The following SGCZ variants were observed in gnomAD, a reference collection of about 807,000 sequenced individuals.
SGCZ encodes the protein sarcoglycan zeta.
A neutral mutation model predicts 41.3 loss-of-function variants in SGCZ; 40 were observed. The ratio of observed to expected loss-of-function variants is 0.97; its 90% CI spans 0.75 to 1.26. SGCZ has a LOEUF of 1.26. Among genes scored for constraint, SGCZ ranks in the 50% most tolerant of loss-of-function variants. SGCZ has a pLI of 0.00. For missense variants in SGCZ, 552 were observed against 369.8 expected (o/e 1.49, Z -4.04); for synonymous variants, 206 against 137.5 (o/e 1.50, Z -3.49).
chr8:14,709,654 T>A (rs892017580), intron 1 of SGCZ, among the ~76,000 whole-genome samples: 1 of 151,938 alleles, frequency 6.6e-6, no homozygotes, highest in Admixed American at 6.6e-5. Flanking sequence ...GCAAATAATT[T>A]CATTAATCGA....
At chr8:14,718,939 C>G (rs977507603) in intron 1 of SGCZ, among the ~76,000 whole-genome samples, 17 of 149,302 alleles carry the variant, frequency 1.1e-4, no homozygotes, top group African/African-American at 4.2e-4. Context: ...TGCCATGCTG[C>G]TGTGCTGCAC....
intron 1 of SGCZ, among the ~76,000 whole-genome samples, chr8:15,118,088 T>A (rs17471544): frequency 0.16 from 24,236 of 152,244 alleles, 2,186 homozygotes; most frequent in Non-Finnish European, 0.21. Context: ...AGCACTTTGA[T>A]ATTTAGTTGC....
chr8:14,222,042 C>T (rs1456440479), intron 4 of SGCZ, among the ~76,000 whole-genome samples: 1 of 152,092 alleles, frequency 6.6e-6, no homozygotes, highest in Non-Finnish European at 1.5e-5. Context: ...GAAGTACCCC[C>T]AACAAACTGA....
chr8:14,512,604 T>G (rs1236836845), intron 2 of SGCZ, among the ~76,000 whole-genome samples: 1 of 144,848 alleles, frequency 6.9e-6, no homozygotes, highest in Admixed American at 7.2e-5. Flanking sequence ...GGGCTACAGG[T>G]ACAAGGCATT....
At chr8:14,842,568 G>C (rs1802961751) in intron 1 of SGCZ, among the ~76,000 whole-genome samples, 1 of 152,074 alleles carries the variant, frequency 6.6e-6, no homozygotes, top group Non-Finnish European at 1.5e-5. Flanking sequence ...GGGACACACA[G>C]AACATAGGGC....
chr8:14,191,586 C>T (rs1010755616), intron 4 of SGCZ, among the ~76,000 whole-genome samples: 2 of 152,144 alleles, frequency 1.3e-5, no homozygotes, highest in Admixed American at 6.5e-5. Flanking sequence ...CAACTTACAT[C>T]TCACTGTGTA....
At chr8:14,160,288 T>G (rs886838660) in intron 5 of SGCZ, among the ~76,000 whole-genome samples, 3 of 152,202 alleles carry the variant, frequency 2.0e-5, no homozygotes, top group African/African-American at 7.2e-5. Context: ...GTGAAATTTG[T>G]TTTCTAAAGT....
chr8:14,101,975 CATGGGTTCGTGA>C (rs954932346), intron 7 of SGCZ, among the ~76,000 whole-genome samples: 2 of 151,678 alleles, frequency 1.3e-5, no homozygotes, highest in African/African-American at 4.8e-5. Flanking sequence ...CTCCGCCTCC[CATGGGTTCGTGA>C]ATGGGAGTGA....
intron 1 of SGCZ, among the ~76,000 whole-genome samples, chr8:14,658,016 C>G (rs1214539410): frequency 3.9e-5 from 6 of 152,088 alleles, no homozygotes; most frequent in African/African-American, 1.2e-4. Context: ...AAAAAGGAAA[C>G]TACTGAGGAT....
chr8:14,574,070 G>A (rs978555082), intron 1 of SGCZ, among the ~76,000 whole-genome samples: 3 of 152,134 alleles, frequency 2.0e-5, no homozygotes, highest in Non-Finnish European at 4.4e-5. Context: ...ATCTCCACAT[G>A]AGTAATAGAT....
Position 14,822,397 on chromosome 8 carries a change from A to T in SGCZ, c.40-267471T>A, listed in dbSNP as rs577928042. ...TGAACTGGAAGAATTAACATTGTTA[A>T]AATGATCATACCACCCAAAGTGATC... On this transcript the variant is annotated intron_variant, in intron 1 of 7. Transcript: ENST00000382080. Among the ~76,000 whole-genome samples the T allele has an allele frequency of 2.4e-3, 367 of 152,320 alleles. 1 individual carries two copies. Among genetic ancestry groups the T allele is most frequent in the African/African-American group, 8.4e-3 (351 of 41,574 alleles).
At chr8:14,154,614 A>G (rs919379514) in intron 5 of SGCZ, among the ~76,000 whole-genome samples, 24 of 152,196 alleles carry the variant, frequency 1.6e-4, no homozygotes, top group African/African-American at 5.8e-4. Flanking sequence ...AAATTGTTGT[A>G]TATTCTTTGG....
intron 3 of SGCZ, among the ~76,000 whole-genome samples, chr8:14,321,696 C>T (rs1298940602): frequency 6.6e-6 from 1 of 152,088 alleles, no homozygotes; most frequent in Non-Finnish European, 1.5e-5. Context: ...CTCAGCTTCA[C>T]TGAATCTTCC....
intron 1 of SGCZ, among the ~76,000 whole-genome samples, chr8:15,200,569 C>G (rs900585663): frequency 2.0e-5 from 3 of 152,156 alleles, no homozygotes; most frequent in African/African-American, 7.2e-5. Context: ...CTACGAATAA[C>G]TATAAAACTA....
chr8:14,843,128 C>T (rs867999944), intron 1 of SGCZ, among the ~76,000 whole-genome samples: 14 of 152,118 alleles, frequency 9.2e-5, no homozygotes, highest in Admixed American at 4.6e-4. Context: ...AGGAGAATTG[C>T]TTGAACCCAG....
intron 1 of SGCZ, among the ~76,000 whole-genome samples, chr8:15,189,586 A>G (rs1040412772): frequency 6.6e-6 from 1 of 151,298 alleles, no homozygotes; most frequent in East Asian, 2.0e-4. Context: ...TTTGAGATAG[A>G]GTCTTGCTCT....
intron 4 of SGCZ, among the ~76,000 whole-genome samples, chr8:14,172,502 C>G (rs1012634786): frequency 3.9e-5 from 6 of 152,146 alleles, no homozygotes; most frequent in African/African-American, 1.4e-4. Context: ...CCATGCCTCT[C>G]AAAGGCCATG....
intron 3 of SGCZ, among the ~76,000 whole-genome samples, chr8:14,279,703 A>G (rs1316627992): frequency 6.6e-6 from 1 of 152,068 alleles, no homozygotes; most frequent in Non-Finnish European, 1.5e-5. Flanking sequence ...TATCTCAAAT[A>G]GACTACACAT....
intron 5 of SGCZ, among the ~76,000 whole-genome samples, chr8:14,155,627 A>G (rs7011564): frequency 0.22 from 33,825 of 151,574 alleles, 3,913 homozygotes; most frequent in Admixed American, 0.28. Context: ...AGTAAAAATG[A>G]TATTTATTCA....
Sources: gnomAD v4.1 joint callset for allele counts (sites outside exome capture counted in the v4.1 genomes callset) on GRCh38, gnomAD v4.1.1 for gene constraint, MANE v1.5 for transcripts, NCBI Gene and HGNC (gene_info 2026-07-23, HGNC 2026-07-21) for gene names.